The following SI variants were observed in gnomAD, a reference collection of about 807,000 sequenced individuals.
SI encodes the protein sucrase-isomaltase, also known as sucrase-isomaltase, intestinal.
Under a neutral mutation model 253.3 loss-of-function variants are expected in SI, and 235 were observed. The ratio of observed to expected loss-of-function variants is 0.93; its 90% CI spans 0.83 to 1.03. SI has a LOEUF of 1.03. Ranked by LOEUF, SI falls within the 50% of genes least tolerant of loss-of-function variation. The pLI, the probability that SI is intolerant of heterozygous loss-of-function variation, is 0.00. For synonymous variants in SI, 819 were observed against 712.0 expected (o/e 1.15, Z -2.39); for missense variants, 2,442 against 2,211.1 (o/e 1.10, Z -2.09).
At chr3:165,088,388 G>A in the SI span, among the ~76,000 whole-genome samples, 6 of 148,538 alleles carry the variant, frequency 4.0e-5, no homozygotes, top group African/African-American at 1.2e-4. Context: ...CTCACACCTG[G>A]AATCCCAGCA....
At position 165,031,519 on chromosome 3, in the gene SI, T is replaced by A. The variant is rs371304039; in HGVS notation, c.2737-652A>T. Among the ~76,000 whole-genome samples the A allele has an allele frequency of 1.5e-3, 221 of 150,088 alleles. 1 individual carries two copies. Among genetic ancestry groups the A allele is most frequent in the African/African-American group, 5.1e-3 (212 of 41,316 alleles). On this transcript the variant is annotated intron_variant, in intron 24 of 47. Transcript: ENST00000264382. ...ATAAGCTTGTATTACTTAATTTATA[T>A]CAATTTATTCTTATAGTGCTAGGAA...
Position 164,979,421 on chromosome 3 carries a change from T to C in SI, c.5425A>G (p.Ile1809Val). 6.5e-7 allele frequency: 1 copy of C among 1,531,582 alleles called. No homozygotes were observed. The highest frequency in any genetic ancestry group is 9.0e-7 in the Non-Finnish European group (1 of 1,106,826). The allele number at this position is 1,531,582 out of a possible 1,614,324, so 94.9% of individuals were successfully genotyped here. The change falls in exon 48 of 48, where the codon ATT (isoleucine) becomes GTT (valine). Residue 1809 changes from isoleucine (I) to valine (V), a missense_variant. By Grantham distance (29) the Ile-to-Val change is conservative. Transcript: ENST00000264382. ...GTAACATTGTGTGTGGTCAGATCAA[T>C]ACGTAATATCTAAAAAAGTAAAATA... is the stretch of plus-strand genomic sequence containing the variant. ...NEDTTNMILR[I>V]DLTTHNVTLE...
intron 45 of SI, among the ~76,000 whole-genome samples, chr3:164,986,872 T>C (rs907621118): frequency 1.3e-5 from 2 of 152,208 alleles, no homozygotes; most frequent in African/African-American, 4.8e-5. Context: ...AGTACAAAGA[T>C]AATAGATACA....
At chr3:165,063,318 A>C (rs956046890) in intron 8 of SI, 124 bp downstream of exon 8, 2 of 510,092 alleles carry the variant, frequency 3.9e-6, no homozygotes, top group African/African-American at 4.0e-5. Context: ...TAATAATGTC[A>C]CATGTTAATA....
At chr3:165,053,438 T>C (rs1188044773) in intron 13 of SI, among the ~76,000 whole-genome samples, 2 of 152,182 alleles carry the variant, frequency 1.3e-5, no homozygotes, top group Non-Finnish European at 2.9e-5. Context: ...AATAATTAGA[T>C]AAACCACTTA....
rs1717222288 is a variant in SI, at chr3:164,982,251, T to A, written c.5407A>T (p.Thr1803Ser). The change falls in exon 47 of 48, where the codon ACC (threonine) becomes TCC (serine). Residue 1803 changes from threonine (T) to serine (S), a missense_variant. Physicochemically the swap from Thr to Ser is moderately conservative, Grantham distance 58. Coordinates refer to ENST00000264382, the MANE Select transcript of SI (RefSeq NM_001041.4). ...TTTCTTACATTACTTACCATGTTGG[T>A]AGTGTCTTCATTAAAAGGAAGCGAA... The part of the protein sequence containing the change: ...KNSLPFNEDT[T>S]NMILRIDLTT... 6.2e-7 allele frequency: 1 copy of A among 1,611,886 alleles called. No individual in the cohort carries two copies. The highest frequency in any genetic ancestry group is 1.7e-5 in the Admixed American group (1 of 59,830).
intron 13 of SI, among the ~76,000 whole-genome samples, chr3:165,052,295 T>C (rs1713472167): frequency 6.6e-6 from 1 of 152,166 alleles, no homozygotes; most frequent in Admixed American, 6.6e-5. Context: ...ATATTACAAC[T>C]AGTAGATTTG....
chr3:165,056,443 C>A (rs1713698503), intron 12 of SI, among the ~76,000 whole-genome samples: 2 of 152,054 alleles, frequency 1.3e-5, no homozygotes. Flanking sequence ...TTCCTAAGAA[C>A]CAAATTCAGG....
At chr3:165,088,789 C>A in the SI span, among the ~76,000 whole-genome samples, 1 of 151,592 alleles carries the variant, frequency 6.6e-6, no homozygotes, top group African/African-American at 2.4e-5. Context: ...ACATGGTCTA[C>A]CAATTTCTGA....
At chr3:165,011,265 C>G (rs1032622079) in intron 34 of SI, among the ~76,000 whole-genome samples, 1 of 151,976 alleles carries the variant, frequency 6.6e-6, no homozygotes, top group Non-Finnish European at 1.5e-5. Flanking sequence ...TCTCTTAGTA[C>G]TGCTTTTGCT....
chr3:165,008,861 A>C (rs1233792073), intron 35 of SI, among the ~76,000 whole-genome samples: 1 of 151,864 alleles, frequency 6.6e-6, no homozygotes, highest in Non-Finnish European at 1.5e-5. Flanking sequence ...TATTATTAAA[A>C]ATCTTACTAC....
chr3:165,000,846 T>A (rs1248944687), intron 37 of SI, among the ~76,000 whole-genome samples: 1 of 151,438 alleles, frequency 6.6e-6, no homozygotes, highest in Non-Finnish European at 1.5e-5. Context: ...TTGTTACCAC[T>A]TGACATTGGA....
intron 21 of SI, 91 bp from the exon 22 acceptor site, chr3:165,036,568 T>A (rs1712543218): frequency 1.2e-6 from 1 of 817,058 alleles, no homozygotes; most frequent in East Asian, 2.6e-5. Flanking sequence ...CCTGTCTGTT[T>A]TATGGGCCCT....
chr3:165,015,020 T>C (rs1718958045), intron 33 of SI, 103 bp downstream of exon 33: 1 of 799,618 alleles, frequency 1.3e-6, no homozygotes, highest in Middle Eastern at 2.9e-4. Flanking sequence ...ATTACATTTC[T>C]GTATAGCTCT....
chr3:165,026,987 T>C (rs1576894203), intron 25 of SI, among the ~76,000 whole-genome samples: 1 of 151,104 alleles, frequency 6.6e-6, no homozygotes, highest in Middle Eastern at 3.4e-3. Context: ...CATAACTAAA[T>C]GAAATTGAAA....
chr3:165,034,599 C>G (rs1307579093), intron 22 of SI, among the ~76,000 whole-genome samples: 1 of 151,882 alleles, frequency 6.6e-6, no homozygotes, highest in African/African-American at 2.4e-5. Flanking sequence ...TGTGCTTACA[C>G]CCCAGGGTAT....
At chr3:164,980,314 C>A (rs1030059128) in intron 47 of SI, among the ~76,000 whole-genome samples, 1 of 151,776 alleles carries the variant, frequency 6.6e-6, no homozygotes, top group Middle Eastern at 3.4e-3. Flanking sequence ...CATCTTGTAA[C>A]AAAACTTAAA....
chr3:165,055,853 A>AG (rs1353600202), intron 12 of SI, among the ~76,000 whole-genome samples: 1 of 152,122 alleles, frequency 6.6e-6, no homozygotes, highest in Non-Finnish European at 1.5e-5. Context: ...CAGATGAGGT[A>AG]GGTACTGTAA....
chr3:165,038,998 T>G, intron 20 of SI, 80 bp downstream of exon 20: 2 of 870,484 alleles, frequency 2.3e-6, no homozygotes, highest in Non-Finnish European at 3.8e-6. Flanking sequence ...GTAGTTAAGT[T>G]TCTATGGAAT....
Sources: gnomAD v4.1 joint callset for allele counts (sites outside exome capture counted in the v4.1 genomes callset) on GRCh38, gnomAD v4.1.1 for gene constraint, MANE v1.5 for transcripts, NCBI Gene and HGNC (gene_info 2026-07-23, HGNC 2026-07-21) for gene names.